ASTN2: variants seen among roughly 807,000 people sequenced by gnomAD.
ASTN2 encodes the protein astrotactin 2.
Under a neutral mutation model 139.8 loss-of-function variants are expected in ASTN2, and 54 were observed. The ratio of observed to expected loss-of-function variants is 0.39; its 90% CI spans 0.31 to 0.48. The LOEUF is 0.48. ASTN2 is among the 20% of genes least tolerant of loss of function. The pLI is 0.95. For missense variants in ASTN2, 1,565 were observed against 1,725.1 expected, an observed-to-expected ratio of 0.91 and a Z score of 1.64; for synonymous variants, 756 against 719.5, an observed-to-expected ratio of 1.05 and a Z score of -0.81.
chr9:116,499,610 C>T (rs1245954170), intron 19 of ASTN2, among the ~76,000 whole-genome samples: 1 of 152,112 alleles, frequency 6.6e-6, no homozygotes, highest in Non-Finnish European at 1.5e-5. Context: ...AGGTACCTGG[C>T]CTGTCTTAGT....
At chr9:116,679,499 A>G (rs1859707096) in intron 16 of ASTN2, among the ~76,000 whole-genome samples, 1 of 152,140 alleles carries the variant, frequency 6.6e-6, no homozygotes, top group Non-Finnish European at 1.5e-5. Flanking sequence ...GTTATCAGTA[A>G]TAATTATAAT....
chr9:117,224,683 T>C (rs1426730258), intron 2 of ASTN2, among the ~76,000 whole-genome samples: 1 of 152,232 alleles, frequency 6.6e-6, no homozygotes, highest in Admixed American at 6.5e-5. Context: ...CAGGTGTAAA[T>C]GCATACATTA....
intron 11 of ASTN2, among the ~76,000 whole-genome samples, chr9:116,855,477 C>A (rs150041190): frequency 6.6e-6 from 1 of 152,294 alleles, no homozygotes; most frequent in East Asian, 1.9e-4. Context: ...TCTTTACTGA[C>A]TATTCCTATG....
intron 10 of ASTN2, among the ~76,000 whole-genome samples, chr9:116,910,941 C>T (rs531205568): frequency 1.4e-4 from 21 of 152,254 alleles, no homozygotes; most frequent in African/African-American, 2.4e-4. Context: ...AGCTCAAAGA[C>T]GGCTTGAGCA....
intron 19 of ASTN2, among the ~76,000 whole-genome samples, chr9:116,499,555 T>C (rs1303874672): frequency 1.3e-5 from 2 of 152,142 alleles, no homozygotes; most frequent in African/African-American, 2.4e-5. Context: ...TGTAATTACA[T>C]ATGTAGTTGT....
At chr9:116,529,473 G>A (rs1851230494) in intron 19 of ASTN2, among the ~76,000 whole-genome samples, 1 of 152,112 alleles carries the variant, frequency 6.6e-6, no homozygotes, top group Non-Finnish European at 1.5e-5. Flanking sequence ...TAGGCAGAAG[G>A]GACTTTCTTT....
At chr9:116,710,072 A>G (rs1421947652) in intron 16 of ASTN2, among the ~76,000 whole-genome samples, 1 of 152,162 alleles carries the variant, frequency 6.6e-6, no homozygotes, top group Non-Finnish European at 1.5e-5. Context: ...CATCTGGGAA[A>G]ACTGATAGGG....
intron 19 of ASTN2, among the ~76,000 whole-genome samples, chr9:116,496,000 C>G (rs943581026): frequency 9.9e-5 from 15 of 152,114 alleles, no homozygotes; most frequent in Non-Finnish European, 1.6e-4. Flanking sequence ...TTCCATGGAG[C>G]CTTCTTCCCC....
chr9:116,666,857 G>A (rs1858891652), intron 16 of ASTN2, among the ~76,000 whole-genome samples: 1 of 151,268 alleles, frequency 6.6e-6, no homozygotes, highest in Non-Finnish European at 1.5e-5. Context: ...ATAACAGCAT[G>A]GGCAAAATTA....
intron 3 of ASTN2, among the ~76,000 whole-genome samples, chr9:117,190,649 G>A (rs977485997): frequency 7.9e-5 from 12 of 151,974 alleles, no homozygotes; most frequent in African/African-American, 2.2e-4. Context: ...AATCACACTG[G>A]TGCCAGGGAC....
intron 19 of ASTN2, chr9:116,545,688 T>A (rs1379680599): frequency 2.0e-5 from 3 of 152,090 alleles, no homozygotes; most frequent in Non-Finnish European, 2.9e-5. Flanking sequence ...AGAAAAAAAA[T>A]AAGAAAATTC....
chr9:116,463,510 G>C (rs1439989690), intron 20 of ASTN2, among the ~76,000 whole-genome samples: 1 of 152,146 alleles, frequency 6.6e-6, no homozygotes, highest in Non-Finnish European at 1.5e-5. Context: ...TTGTCCCTCA[G>C]CCTATGGGCT....
intron 11 of ASTN2, among the ~76,000 whole-genome samples, chr9:116,839,641 C>T (rs4445293): frequency 0.025 from 3,796 of 151,436 alleles, 183 homozygotes; most frequent in African/African-American, 0.088. Context: ...ATTACAGCCC[C>T]GTGTGTGCCA....
At chr9:116,886,165 A>T (rs2418445) in intron 10 of ASTN2, among the ~76,000 whole-genome samples, 60,390 of 152,050 alleles carry the variant, frequency 0.4, 14,393 homozygotes, top group South Asian at 0.55. Flanking sequence ...CCCAGGAAAC[A>T]TGCTATTATC....
chr9:116,876,631 T>G (rs1833307333), intron 10 of ASTN2, among the ~76,000 whole-genome samples: 1 of 152,196 alleles, frequency 6.6e-6, no homozygotes, highest in Non-Finnish European at 1.5e-5. Flanking sequence ...CACTTCAGCC[T>G]TCAGTAACTA....
intron 3 of ASTN2, among the ~76,000 whole-genome samples, chr9:117,172,479 C>T (rs996228970): frequency 6.6e-6 from 1 of 152,088 alleles, no homozygotes; most frequent in Non-Finnish European, 1.5e-5. Context: ...ACTGCATATA[C>T]TTTATTGAGT....
At chr9:116,740,376 G>A (rs548266306) in intron 13 of ASTN2, among the ~76,000 whole-genome samples, 1 of 152,250 alleles carries the variant, frequency 6.6e-6, no homozygotes, top group East Asian at 1.9e-4. Flanking sequence ...TACGCACATG[G>A]ATACAAATTC....
chr9:116,818,672 A>C, intron 12 of ASTN2, among the ~76,000 whole-genome samples: 1 of 152,236 alleles, frequency 6.6e-6, no homozygotes, highest in Non-Finnish European at 1.5e-5. Flanking sequence ...GAATCACTTA[A>C]GTTAATTTAT....
At chr9:116,984,991 C>T (rs528523986) in intron 7 of ASTN2, among the ~76,000 whole-genome samples, 2 of 152,190 alleles carry the variant, frequency 1.3e-5, no homozygotes, top group African/African-American at 4.8e-5. Flanking sequence ...ACATGATTCG[C>T]GTGAAATAAC....
Sources: gnomAD v4.1 joint callset for allele counts (sites outside exome capture counted in the v4.1 genomes callset) on GRCh38, gnomAD v4.1.1 for gene constraint, MANE v1.5 for transcripts, NCBI Gene and HGNC (gene_info 2026-07-23, HGNC 2026-07-21) for gene names.